Variants in ZHX3 observed in about 807,000 individuals in gnomAD.
ZHX3 encodes zinc fingers and homeoboxes 3.
ZHX3 carries 20 observed loss-of-function variants against 64.5 expected under a neutral mutation model. The ratio of observed to expected loss-of-function variants is 0.31; its 90% CI spans 0.22 to 0.45. ZHX3 has a LOEUF of 0.45. Among genes scored for constraint, ZHX3 ranks in the 20% least tolerant of loss-of-function variants. The pLI is 1.00. For missense variants in ZHX3, 1,041 were observed against 1,195.8 expected (o/e 0.87, Z 1.91); for synonymous variants, 423 against 461.6 (o/e 0.92, Z 1.07).
intron 2 of ZHX3, among the ~76,000 whole-genome samples, chr20:41,225,490 T>C (rs2040205007): frequency 6.6e-6 from 1 of 152,164 alleles, no homozygotes; most frequent in Non-Finnish European, 1.5e-5. Flanking sequence ...TCTTAACCAT[T>C]TGTTTTTTTC....
chr20:41,255,484 G>A (rs777588247), intron 2 of ZHX3, among the ~76,000 whole-genome samples: 8 of 152,134 alleles, frequency 5.3e-5, no homozygotes, highest in South Asian at 2.1e-4. Flanking sequence ...CACCAGGTTC[G>A]TAGAGCTAAG....
Position 41,184,047 on chromosome 20 carries a change from C to T in ZHX3, c.*1144G>A, listed in dbSNP as rs6072300. 20,801 of 152,164 alleles carry T rather than the reference C, an allele frequency of 0.14. 1,639 individuals are homozygous for T. Among genetic ancestry groups the T allele is most frequent in the Non-Finnish European group, 0.17 (11,275 of 68,006 alleles). The allele number at this position is 152,164 out of a possible 1,614,324, so 9.4% of individuals were successfully genotyped here. A position where few individuals can be genotyped will look rare whatever the true frequency, so the allele number is the denominator to read the frequency against. ...CGGCCAGACCCTGGGGTGGGAGCCA[C>T]GGGCACTCTGGGTGTTCTGCCAGGG... On this transcript the variant is annotated 3_prime_UTR_variant, in exon 4 of 4. Coordinates refer to ENST00000683867, the MANE Select transcript of ZHX3 (RefSeq NM_001384317.1).
intron 1 of ZHX3, among the ~76,000 whole-genome samples, chr20:41,278,963 C>A (rs1289578512): frequency 2.0e-5 from 3 of 152,086 alleles, no homozygotes; most frequent in East Asian, 3.9e-4. Flanking sequence ...CTAGTAGAGA[C>A]AGACAGGGTT....
chr20:41,303,160 A>T (rs1025054153), intron 1 of ZHX3, among the ~76,000 whole-genome samples: 4 of 152,276 alleles, frequency 2.6e-5, no homozygotes, highest in African/African-American at 7.2e-5. Flanking sequence ...CCCATAGCTG[A>T]TAAGTGGCGA....
At chr20:41,261,745 C>A (rs2042574192) in intron 2 of ZHX3, among the ~76,000 whole-genome samples, 1 of 152,192 alleles carries the variant, frequency 6.6e-6, no homozygotes, top group Non-Finnish European at 1.5e-5. Context: ...ACATGCTGTA[C>A]TTGAGGGATT....
chr20:41,307,369 A>G (rs1174761120), intron 1 of ZHX3, among the ~76,000 whole-genome samples: 1 of 152,214 alleles, frequency 6.6e-6, no homozygotes, highest in Non-Finnish European at 1.5e-5. Flanking sequence ...TGAAGGCCTC[A>G]TTAACATCAT....
chr20:41,253,168 C>T (rs1000197641), intron 2 of ZHX3, among the ~76,000 whole-genome samples: 3 of 151,214 alleles, frequency 2.0e-5, no homozygotes, highest in Non-Finnish European at 4.4e-5. Flanking sequence ...AATACTTTAG[C>T]GTATATTATT....
At position 41,195,715 on chromosome 20, in the gene ZHX3, G is replaced by A. The variant is rs908104027; in HGVS notation, c.2860+6342C>T. ...ACAGGCATAAGCCACTGCGCCCAGC[G>A]TAAGTTCTCTTTTAATGTATGCATT... On this transcript the variant is annotated intron_variant, in intron 3 of 3. Transcript: ENST00000683867. The surrounding 1 kb of genome is among the most constrained non-coding windows in gnomAD (Gnocchi z 4.2). Among the ~76,000 whole-genome samples, 35 of 152,238 alleles carry A rather than the reference G, an allele frequency of 2.3e-4. No homozygotes were observed. Among genetic ancestry groups the A allele is most frequent in the African/African-American group, 6.0e-4 (25 of 41,540 alleles).
At chr20:41,314,540 C>T (rs2045233710) in intron 1 of ZHX3, among the ~76,000 whole-genome samples, 1 of 152,230 alleles carries the variant, frequency 6.6e-6, no homozygotes, top group Non-Finnish European at 1.5e-5. Context: ...GAAATCACAG[C>T]TGTAAACATA....
At chr20:41,257,501 A>G (rs2042319460) in intron 2 of ZHX3, among the ~76,000 whole-genome samples, 1 of 152,016 alleles carries the variant, frequency 6.6e-6, no homozygotes, top group South Asian at 2.1e-4. Flanking sequence ...GCTTTCTTTC[A>G]TATTCTTAAT....
chr20:41,223,471 C>G (rs1392198266), intron 2 of ZHX3, among the ~76,000 whole-genome samples: 1 of 152,164 alleles, frequency 6.6e-6, no homozygotes, highest in Non-Finnish European at 1.5e-5. Flanking sequence ...GAGTAACACA[C>G]TTGTGAAAAA....
chr20:41,312,450 T>G (rs1183739650), intron 1 of ZHX3, among the ~76,000 whole-genome samples: 3 of 152,218 alleles, frequency 2.0e-5, no homozygotes, highest in Non-Finnish European at 4.4e-5. Context: ...ATGCCATCTT[T>G]AAGAGCTGTA....
Position 41,228,858 on chromosome 20 carries a change from C to T in ZHX3, c.-150-23792G>A, listed in dbSNP as rs898355465. Among the ~76,000 whole-genome samples, 2 of 152,136 alleles carry T rather than the reference C, an allele frequency of 1.3e-5. No homozygotes were observed. The highest frequency in any genetic ancestry group is 4.8e-5 in the African/African-American group (2 of 41,422). Reference sequence around the variant, plus strand: ...TGAAATGTTAATGGTCTCGGAAGCACTTAACATCTTTTCTTGGTAGAGGGA... The same window carrying T: ...TGAAATGTTAATGGTCTCGGAAGCATTTAACATCTTTTCTTGGTAGAGGGA... On this transcript the variant is annotated intron_variant, in intron 2 of 3. Coordinates refer to ENST00000683867, the MANE Select transcript of ZHX3 (RefSeq NM_001384317.1). This position sits in a 1 kb window ranked among gnomAD's most constrained non-coding sequence, Gnocchi z 4.6.
intron 2 of ZHX3, among the ~76,000 whole-genome samples, chr20:41,263,787 A>AGCT (rs1280814520): frequency 1.3e-5 from 2 of 152,184 alleles, no homozygotes; most frequent in South Asian, 2.1e-4. Context: ...AACTGACAGG[A>AGCT]GCTGCTGCCT....
At chr20:41,242,869 T>C (rs947779266) in intron 2 of ZHX3, among the ~76,000 whole-genome samples, 1 of 152,190 alleles carries the variant, frequency 6.6e-6, no homozygotes. Flanking sequence ...GCAATTGTCT[T>C]TGCCCACAGG....
At chr20:41,287,354 A>G (rs1568945818) in intron 1 of ZHX3, among the ~76,000 whole-genome samples, 1 of 152,102 alleles carries the variant, frequency 6.6e-6, no homozygotes, top group Non-Finnish European at 1.5e-5. Flanking sequence ...CATTTGACAC[A>G]TTATATTTAT....
intron 3 of ZHX3, among the ~76,000 whole-genome samples, chr20:41,191,943 T>C (rs1046263272): frequency 6.6e-6 from 1 of 151,948 alleles, no homozygotes; most frequent in Non-Finnish European, 1.5e-5. Context: ...ATGGCACCAG[T>C]GTTAGTGGGT....
intron 1 of ZHX3, among the ~76,000 whole-genome samples, chr20:41,316,166 G>C (rs971763920): frequency 6.6e-6 from 1 of 152,124 alleles, no homozygotes; most frequent in Non-Finnish European, 1.5e-5. Context: ...AAACCAACTT[G>C]GTTAATATGT....
chr20:41,222,891 C>T (rs1330394417), intron 2 of ZHX3, among the ~76,000 whole-genome samples: 1 of 144,450 alleles, frequency 6.9e-6, no homozygotes, highest in Admixed American at 7.1e-5. Context: ...ACTTGAATTT[C>T]TCAAGAACAT....
Sources: gnomAD v4.1 joint callset for allele counts (sites outside exome capture counted in the v4.1 genomes callset) on GRCh38, gnomAD v4.1.1 for gene constraint, Gnocchi (gnomAD v3.1) non-coding constraint, MANE v1.5 for transcripts, NCBI Gene and HGNC (gene_info 2026-07-23, HGNC 2026-07-21) for gene names.